CEP192: variants seen among roughly 807,000 people sequenced by gnomAD.
The protein encoded by CEP192 is centrosomal protein of 192 kDa.
CEP192 carries 151 observed loss-of-function variants against 271.8 expected under a neutral mutation model. The observed-to-expected ratio is 0.56, with a 90% CI of 0.49 to 0.64. The LOEUF (loss-of-function observed/expected upper bound fraction) is 0.64, where lower values mean the gene tolerates loss of function less well. Among genes scored for constraint, CEP192 ranks in the 30% least tolerant of loss-of-function variants. CEP192 has a pLI of 0.00. For synonymous variants in CEP192, 995 were observed against 1,076.5 expected (o/e 0.92, Z 1.48); for missense variants, 2,910 against 3,020.5 (o/e 0.96, Z 0.86).
At chr18:12,994,599 T>C (rs1328407715) in intron 1 of CEP192, among the ~76,000 whole-genome samples, 1 of 151,966 alleles carries the variant, frequency 6.6e-6, no homozygotes, top group Admixed American at 6.6e-5. Context: ...GTGGTAGTAA[T>C]GGAGATAGGA....
intron 31 of CEP192, 94 bp from the exon 32 acceptor site, chr18:13,087,437 T>C: frequency 1.1e-6 from 1 of 910,378 alleles, no homozygotes; most frequent in East Asian, 2.7e-5. Flanking sequence ...CTTGTGTCTG[T>C]GTCGAATTTT....
chr18:13,079,598 C>T (rs1358780358), intron 30 of CEP192, among the ~76,000 whole-genome samples: 1 of 152,166 alleles, frequency 6.6e-6, no homozygotes, highest in African/African-American at 2.4e-5. Flanking sequence ...CCTGTTCACT[C>T]TGATGGTAAC....
chr18:13,102,901 G>C (rs575702891), intron 38 of CEP192, among the ~76,000 whole-genome samples: 1 of 152,312 alleles, frequency 6.6e-6, no homozygotes, highest in African/African-American at 2.4e-5. Context: ...CCACATGTGG[G>C]CATCTCATGG....
intron 40 of CEP192, among the ~76,000 whole-genome samples, chr18:13,113,152 C>G (rs576300000): frequency 6.6e-6 from 1 of 152,266 alleles, no homozygotes; most frequent in East Asian, 1.9e-4. Context: ...GCCGCCGCCC[C>G]CCTCACTGTT....
chr18:13,051,643 A>G (rs1342060116), intron 17 of CEP192, among the ~76,000 whole-genome samples: 1 of 152,086 alleles, frequency 6.6e-6, no homozygotes, highest in Non-Finnish European at 1.5e-5. Context: ...TCCCAGGTTC[A>G]CGCCATTCTC....
At chr18:13,077,049 C>T (rs1269066658) in intron 30 of CEP192, among the ~76,000 whole-genome samples, 1 of 152,202 alleles carries the variant, frequency 6.6e-6, no homozygotes, top group Admixed American at 6.5e-5. Flanking sequence ...TCCAAAAGTG[C>T]TGAGATTACG....
chr18:13,088,713 A>T (rs972966083), intron 32 of CEP192: 1 of 245,260 alleles, frequency 4.1e-6, no homozygotes, highest in African/African-American at 2.2e-5. Context: ...TTTTATTCTA[A>T]TACAGAATTT....
rs141920897 is a variant in CEP192, at chr18:13,032,321, A to G, written c.1534+1713A>G. Among the ~76,000 whole-genome samples the G allele has an allele frequency of 1.2e-3, 183 of 152,306 alleles. 2 individuals are homozygous for G. In the South Asian group the frequency reaches 0.014, roughly 12 times the overall value. On this transcript the variant is annotated intron_variant, in intron 11 of 44. Coordinates refer to ENST00000506447, the MANE Select transcript of CEP192 (RefSeq NM_032142.4). ...GTCTGAGTTACTTGGGGCAATGGCG[A>G]TACCATTACCTGAGGCGGGGAGTCA... is the stretch of plus-strand genomic sequence containing the variant.
intron 18 of CEP192, among the ~76,000 whole-genome samples, chr18:13,055,550 CTATT>C (rs1156866103): frequency 9.9e-5 from 15 of 152,128 alleles, no homozygotes; most frequent in African/African-American, 3.6e-4. Context: ...TGTATACCTC[CTATT>C]TATTTTCCTC....
chr18:13,031,329 G>A (rs2035615029), intron 11 of CEP192, among the ~76,000 whole-genome samples: 1 of 141,398 alleles, frequency 7.1e-6, no homozygotes, highest in Non-Finnish European at 1.5e-5. Flanking sequence ...CTCACTGCAA[G>A]CTCCGCCTCC....
intron 11 of CEP192, among the ~76,000 whole-genome samples, chr18:13,034,357 C>T (rs968996995): frequency 4.6e-5 from 7 of 151,596 alleles, no homozygotes; most frequent in African/African-American, 1.7e-4. Flanking sequence ...GAAATGGGAG[C>T]CTTTTTACTG....
In CEP192 at chr18:13,056,181, A is replaced by G. The variant is rs1335049115; in HGVS notation, c.3591A>G (p.Gln1197=). Residue 1197 remains glutamine (Q), a synonymous_variant, in exon 19 of 45, where the codon CAA becomes CAG. Coordinates refer to ENST00000506447, the MANE Select transcript of CEP192 (RefSeq NM_032142.4). ...VSCQEPIDED[Q]RISPKDKSTA... Reference sequence around the variant, plus strand: ...GCCAGGAGCCTATAGATGAAGATCAAAGAATAAGTCCTAAAGATAAGTCAA... The same window carrying G: ...GCCAGGAGCCTATAGATGAAGATCAGAGAATAAGTCCTAAAGATAAGTCAA... 1.2e-6 allele frequency: 2 copies of G among 1,614,074 alleles called. No homozygotes were observed. Among genetic ancestry groups the G allele is most frequent in the Non-Finnish European group, 1.7e-6 (2 of 1,179,960 alleles).
chr18:13,017,615 C>T (rs745363955), intron 7 of CEP192, among the ~76,000 whole-genome samples: 1 of 152,200 alleles, frequency 6.6e-6, no homozygotes, highest in Non-Finnish European at 1.5e-5. Context: ...TTTTCTTTCT[C>T]TCTCCATAAA....
intron 38 of CEP192, among the ~76,000 whole-genome samples, chr18:13,101,239 A>C (rs2039691150): frequency 6.6e-6 from 1 of 152,182 alleles, no homozygotes. Context: ...TGAGATATTC[A>C]ACCCCTTGTT....
Position 13,089,489 on chromosome 18 carries a change from G to A in CEP192, c.6027G>A (p.Gln2009=). 1 of 1,604,366 alleles carries A rather than the reference G, an allele frequency of 6.2e-7. No homozygotes were observed. Among genetic ancestry groups the A allele is most frequent in the Non-Finnish European group, 8.5e-7 (1 of 1,174,610 alleles). Reference sequence around the variant, plus strand: ...TACATAAACCAGAGATGATAAAACAGATACTTCCAGAACATAGTGTGCTTC... The same window carrying A: ...TACATAAACCAGAGATGATAAAACAAATACTTCCAGAACATAGTGTGCTTC... ...ALLHKPEMIK[Q]ILPEHSVLQN... Residue 2009 remains glutamine, a synonymous_variant, in exon 33 of 45, where the codon CAG becomes CAA. Transcript: ENST00000506447.
At chr18:13,118,503 C>T (rs543436560) in intron 44 of CEP192, among the ~76,000 whole-genome samples, 1 of 152,246 alleles carries the variant, frequency 6.6e-6, no homozygotes, top group African/African-American at 2.4e-5. Flanking sequence ...ATTCGTTTAT[C>T]TCTCACACCA....
chr18:13,095,527 T>C lies in CEP192; in HGVS notation c.6279T>C (p.His2093=), dbSNP rs1282539361. Reference sequence around the variant, plus strand: ...GCGACTTGGGAGCTTCTGGGAAACATGGTGGCAACGTCTCTTTGGATGTTT... The same window carrying C: ...GCGACTTGGGAGCTTCTGGGAAACACGGTGGCAACGTCTCTTTGGATGTTT... ...STSDLGASGK[H]GGNVSLDVLP... The change falls in exon 35 of 45, where the codon CAT becomes CAC. Residue 2093 remains histidine, a synonymous_variant. Transcript: ENST00000506447. The C allele has an allele frequency of 1.9e-6, 3 of 1,611,308 alleles. No homozygotes were observed. The highest frequency in any genetic ancestry group is 2.5e-6 in the Non-Finnish European group (3 of 1,179,038).
At chr18:13,010,780 A>G (rs2034297376) in intron 4 of CEP192, among the ~76,000 whole-genome samples, 1 of 151,968 alleles carries the variant, frequency 6.6e-6, no homozygotes, top group Admixed American at 6.6e-5. Flanking sequence ...TGGTAGGTGG[A>G]GGTTGCGGTG....
intron 8 of CEP192, 59 bp downstream of exon 8, chr18:13,018,674 T>TA (rs200402627): frequency 2.1e-3 from 2,040 of 988,840 alleles, no homozygotes; most frequent in South Asian, 3.8e-3. Flanking sequence ...TTACTTTTTT[T>TA]AAAAAAAAAA....
Sources: gnomAD v4.1 joint callset for allele counts (sites outside exome capture counted in the v4.1 genomes callset) on GRCh38, gnomAD v4.1.1 for gene constraint, MANE v1.5 for transcripts, NCBI Gene and HGNC (gene_info 2026-07-23, HGNC 2026-07-21) for gene names.